The following HMGCLL1 variants were observed in gnomAD, a reference collection of about 807,000 sequenced individuals.
HMGCLL1 encodes the protein 3-hydroxymethyl-3-methylglutaryl-CoA lyase, cytoplasmic.
Under a neutral mutation model 39.1 loss-of-function variants are expected in HMGCLL1, and 36 were observed. The observed-to-expected ratio is 0.92, with a 90% CI of 0.71 to 1.22. The LOEUF (loss-of-function observed/expected upper bound fraction) is 1.22, where lower values mean the gene tolerates loss of function less well. Ranked by LOEUF, HMGCLL1 falls within the 50% of genes most tolerant of loss-of-function variation. The pLI is 0.00. For synonymous variants in HMGCLL1, 149 were observed against 144.0 expected, an observed-to-expected ratio of 1.03 and a Z score of -0.25; for missense variants, 451 against 416.5, an observed-to-expected ratio of 1.08 and a Z score of -0.72.
the HMGCLL1 span, among the ~76,000 whole-genome samples, chr6:55,592,802 A>C: frequency 6.6e-6 from 1 of 152,052 alleles, no homozygotes; most frequent in Admixed American, 6.6e-5. Flanking sequence ...TATGATTCCT[A>C]TGTTACAGAT....
intron 5 of HMGCLL1, 77 bp downstream of exon 5, chr6:55,513,971 A>G: frequency 8.1e-7 from 1 of 1,232,264 alleles, no homozygotes; most frequent in Non-Finnish European, 1.2e-6. Flanking sequence ...AAATGATATA[A>G]GAATCTCTAG....
At chr6:55,573,031 G>A (rs1771593811) in intron 1 of HMGCLL1, among the ~76,000 whole-genome samples, 1 of 152,192 alleles carries the variant, frequency 6.6e-6, no homozygotes, top group South Asian at 2.1e-4. Context: ...CAAGGCTGGA[G>A]TGGAAATAGT....
At chr6:55,437,696 G>A (rs933936241) in intron 8 of HMGCLL1, among the ~76,000 whole-genome samples, 1 of 152,022 alleles carries the variant, frequency 6.6e-6, no homozygotes, top group Non-Finnish European at 1.5e-5. Context: ...CCTTGCTCAA[G>A]CAGACGTAGA....
chr6:55,501,864 A>G (rs1329711786), intron 5 of HMGCLL1, among the ~76,000 whole-genome samples: 1 of 151,830 alleles, frequency 6.6e-6, no homozygotes, highest in Non-Finnish European at 1.5e-5. Context: ...CATGGACCTG[A>G]CCGTATCTAA....
At chr6:55,608,200 T>C in the HMGCLL1 span, among the ~76,000 whole-genome samples, 1 of 152,216 alleles carries the variant, frequency 6.6e-6, no homozygotes, top group East Asian at 1.9e-4. Flanking sequence ...CTTTTTCTGA[T>C]CTTCCTTCAA....
At chr6:55,650,744 A>T in the HMGCLL1 span, among the ~76,000 whole-genome samples, 1 of 152,068 alleles carries the variant, frequency 6.6e-6, no homozygotes, top group Non-Finnish European at 1.5e-5. Flanking sequence ...GCTGGCACTC[A>T]AACCACTATA....
At chr6:55,496,094 C>G (rs1292501116) in intron 6 of HMGCLL1, among the ~76,000 whole-genome samples, 1 of 152,042 alleles carries the variant, frequency 6.6e-6, no homozygotes, top group Non-Finnish European at 1.5e-5. Flanking sequence ...TTAAACTACA[C>G]AAGTTTGAAC....
chr6:55,511,177 G>C (rs1347215255), intron 5 of HMGCLL1, among the ~76,000 whole-genome samples: 1 of 151,802 alleles, frequency 6.6e-6, no homozygotes, highest in African/African-American at 2.4e-5. Context: ...AATTTAGACA[G>C]TTAATAGAAA....
chr6:55,480,352 C>A (rs1441275467), intron 7 of HMGCLL1, among the ~76,000 whole-genome samples: 1 of 151,604 alleles, frequency 6.6e-6, no homozygotes, highest in East Asian at 1.9e-4. Flanking sequence ...ATATAAATGT[C>A]AAACAAGCAT....
chr6:55,520,674 A>C (rs1402048342), intron 3 of HMGCLL1, among the ~76,000 whole-genome samples: 1 of 152,136 alleles, frequency 6.6e-6, no homozygotes, highest in Non-Finnish European at 1.5e-5. Flanking sequence ...TAATTTAAAC[A>C]ATGAAACTAA....
intron 3 of HMGCLL1, among the ~76,000 whole-genome samples, chr6:55,523,986 A>G (rs941339136): frequency 6.6e-6 from 1 of 152,022 alleles, no homozygotes; most frequent in African/African-American, 2.4e-5. Context: ...ACAAAAATAG[A>G]ATATATCAAA....
intron 7 of HMGCLL1, among the ~76,000 whole-genome samples, chr6:55,458,266 A>G (rs1764410977): frequency 1.3e-5 from 2 of 152,188 alleles, no homozygotes; most frequent in African/African-American, 4.8e-5. Context: ...GGTGCCACGT[A>G]TACAGTAGTA....
chr6:55,568,816 C>T (rs1343233999), intron 1 of HMGCLL1, among the ~76,000 whole-genome samples: 3 of 151,826 alleles, frequency 2.0e-5, no homozygotes, highest in South Asian at 2.1e-4. Flanking sequence ...TGGGTGTGCA[C>T]GGTCTAGCCC....
At chr6:55,543,202 T>A (rs190055982) in intron 1 of HMGCLL1, among the ~76,000 whole-genome samples, 2 of 14,666 alleles carry the variant, frequency 1.4e-4, no homozygotes, top group South Asian at 2.8e-3. Context: ...TATTATATAT[T>A]ATATATTATA....
intron 8 of HMGCLL1, among the ~76,000 whole-genome samples, chr6:55,437,952 G>T (rs1022402835): frequency 1.3e-5 from 2 of 152,026 alleles, no homozygotes; most frequent in African/African-American, 4.8e-5. Context: ...ATTCTATAGA[G>T]AATCCTGGTT....
intron 7 of HMGCLL1, among the ~76,000 whole-genome samples, chr6:55,474,005 G>T (rs965111970): frequency 5.3e-5 from 8 of 151,410 alleles, no homozygotes; most frequent in Non-Finnish European, 1.0e-4. Flanking sequence ...TATAGATACG[G>T]TGTATTTTTT....
chr6:55,635,245 T>C, the HMGCLL1 span, among the ~76,000 whole-genome samples: 1 of 152,128 alleles, frequency 6.6e-6, no homozygotes, highest in Non-Finnish European at 1.5e-5. Flanking sequence ...TCTCTGTCCA[T>C]ATCTAATGGT....
chr6:55,651,341 G>T, the HMGCLL1 span, among the ~76,000 whole-genome samples: 2 of 152,046 alleles, frequency 1.3e-5, no homozygotes, highest in Non-Finnish European at 2.9e-5. Context: ...AAGGCAGTGG[G>T]TTTCCCTTTT....
the HMGCLL1 span, among the ~76,000 whole-genome samples, chr6:55,655,955 T>C: frequency 6.6e-6 from 1 of 152,128 alleles, no homozygotes; most frequent in South Asian, 2.1e-4. Flanking sequence ...AGTTCATTTC[T>C]AGAGATCATT....
Sources: gnomAD v4.1 joint callset for allele counts (sites outside exome capture counted in the v4.1 genomes callset) on GRCh38, gnomAD v4.1.1 for gene constraint, MANE v1.5 for transcripts, NCBI Gene and HGNC (gene_info 2026-07-23, HGNC 2026-07-21) for gene names.